The following DHX9 variants were observed in gnomAD, a reference collection of about 807,000 sequenced individuals.
DHX9 encodes the protein ATP-dependent RNA helicase A.
A neutral mutation model predicts 148.7 loss-of-function variants in DHX9; 27 were observed. That is an observed-to-expected ratio of 0.18 (90% confidence interval 0.13 to 0.25). The LOEUF is 0.25. DHX9 is among the 10% of genes least tolerant of loss of function. DHX9 has a pLI of 1.00. For synonymous variants in DHX9, 529 were observed against 516.6 expected (o/e 1.02, Z -0.33); for missense variants, 796 against 1,559.6 (o/e 0.51, Z 8.25).
rs117471599 is a variant in DHX9 at position 182,871,484 on chromosome 1, G to A, written c.1558-853G>A. On this transcript the variant is annotated intron_variant, in intron 14 of 27. Coordinates refer to ENST00000367549, the MANE Select transcript of DHX9 (RefSeq NM_001357.5). Reference sequence around the variant, plus strand: ...GTTAAGCATTACCTTCCGAAGTTCAGCAGTTACATACCCTATAGCTTGGCA... The same window carrying A: ...GTTAAGCATTACCTTCCGAAGTTCAACAGTTACATACCCTATAGCTTGGCA... Among the ~76,000 whole-genome samples, 128 of 152,300 alleles carry A rather than the reference G, an allele frequency of 8.4e-4. 4 individuals are homozygous for A. The East Asian group carries it at 0.023, about 28-fold the overall frequency.
At chr1:182,879,625 AAAAAG>A (rs1217927172) in intron 21 of DHX9, among the ~76,000 whole-genome samples, 1 of 152,232 alleles carries the variant, frequency 6.6e-6, no homozygotes, top group Non-Finnish European at 1.5e-5. Flanking sequence ...TGAGTCTTTA[AAAAAG>A]AAAAGAAAAC....
chr1:182,858,783 G>C lies in DHX9; in HGVS notation c.951G>C (p.Gln317His), dbSNP rs1571305958. 1 of 1,614,166 alleles carries C rather than the reference G, an allele frequency of 6.2e-7. No individual in the cohort carries two copies. The highest frequency in any genetic ancestry group is 8.5e-7 in the Non-Finnish European group (1 of 1,180,028). Residue 317 changes from glutamine (Q) to histidine (H), a missense_variant, in exon 10 of 28, where the codon CAG becomes CAC. Around this residue, in one of 14 missense-constraint regions of DHX9, gnomAD observed 63 missense variants for 78.6 expected, o/e 0.80. Coordinates refer to ENST00000367549, the MANE Select transcript of DHX9 (RefSeq NM_001357.5). ...CACTCAACATTGGCAAATTGGCTCA[G>C]TTCGAACCATCTCAGCGACAAAACC... is the stretch of plus-strand genomic sequence containing the variant. ...PVALNIGKLA[Q>H]FEPSQRQNQV... is the part of the protein sequence containing the mutation.
chr1:182,876,322 C>T, intron 17 of DHX9, 59 bp downstream of exon 17: 6 of 1,586,618 alleles, frequency 3.8e-6, no homozygotes, highest in Non-Finnish European at 5.2e-6. Flanking sequence ...TTGCTAGTGC[C>T]TTAGCCAGTA....
intron 26 of DHX9, among the ~76,000 whole-genome samples, chr1:182,884,394 ATAGC>A (rs970141325): frequency 1.3e-5 from 2 of 152,132 alleles, no homozygotes; most frequent in African/African-American, 2.4e-5. Flanking sequence ...ACTCCTGCTC[ATAGC>A]TAGCAGTGAA....
intron 14 of DHX9, among the ~76,000 whole-genome samples, chr1:182,867,814 C>G (rs1464476046): frequency 6.6e-6 from 1 of 152,156 alleles, no homozygotes; most frequent in African/African-American, 2.4e-5. Flanking sequence ...TTTCCAACCC[C>G]TCCCTCTTTT....
intron 20 of DHX9, 92 bp downstream of exon 20, chr1:182,878,265 C>G: frequency 2.1e-6 from 3 of 1,410,396 alleles, no homozygotes; most frequent in African/African-American, 1.4e-5. Flanking sequence ...CCAATATAAG[C>G]TGATCTAAGT....
At position 182,887,508 on chromosome 1, in the gene DHX9, A is replaced by G. The variant is rs932800837; in HGVS notation, c.*74A>G. On this transcript the variant is annotated 3_prime_UTR_variant, in exon 28 of 28. Coordinates refer to ENST00000367549, the MANE Select transcript of DHX9 (RefSeq NM_001357.5). ...ATGCTATGTGTTACGTGTTTTTTCC[A>G]GTATGTTTATTTGCCACCAAAAAGT... 10 of 1,357,848 alleles carry G rather than the reference A, an allele frequency of 7.4e-6. No homozygotes were observed. Among genetic ancestry groups the G allele is most frequent in the African/African-American group, 1.4e-5 (1 of 69,356 alleles). 84.1% of individuals were successfully genotyped at this position (1,357,848 alleles called of 1,614,324 possible).
At chr1:182,877,988 G>A in intron 19 of DHX9, 33 bp from the exon 20 acceptor site, 1 of 1,612,388 alleles carries the variant, frequency 6.2e-7, no homozygotes, top group Non-Finnish European at 8.5e-7. Context: ...TAATACACAT[G>A]AGTCTTAGAA....
In DHX9 at chr1:182,872,363, T is replaced by C. The variant is rs558616111; in HGVS notation, c.1584T>C (p.Arg528=). 6.2e-7 allele frequency: 1 copy of C among 1,613,240 alleles called. No individual in the cohort carries two copies. The highest frequency in any genetic ancestry group is 1.3e-5 in the African/African-American group (1 of 75,036). Reference sequence around the variant, plus strand: ...CTGACTTCCTTTTGGTAGTACTGCGTGATGTTGTTCAGGCTTATCCTGAAG... The same window carrying C: ...CTGACTTCCTTTTGGTAGTACTGCGCGATGTTGTTCAGGCTTATCCTGAAG... ...INTDFLLVVL[R]DVVQAYPEVR... The change falls in exon 15 of 28, where the codon CGT becomes CGC. Residue 528 remains arginine, a synonymous_variant. Coordinates refer to ENST00000367549, the MANE Select transcript of DHX9 (RefSeq NM_001357.5).
At chr1:182,847,538 T>TGTA (rs1459432330) in intron 3 of DHX9, among the ~76,000 whole-genome samples, 1 of 152,190 alleles carries the variant, frequency 6.6e-6, no homozygotes, top group Non-Finnish European at 1.5e-5. Flanking sequence ...GAATCTGCCC[T>TGTA]GTACATGAGT....
At chr1:182,855,984 T>G (rs1316278516) in intron 6 of DHX9, among the ~76,000 whole-genome samples, 1 of 152,232 alleles carries the variant, frequency 6.6e-6, no homozygotes, top group Non-Finnish European at 1.5e-5. Context: ...GGCTAAGTTT[T>G]TTGTCATCCA....
rs996979135 is a variant in DHX9, at chr1:182,887,268, G to A, written c.3647G>A (p.Gly1216Glu). The A allele has an allele frequency of 1.2e-6, 2 of 1,614,062 alleles. No homozygotes were observed. Among genetic ancestry groups the A allele is most frequent in the Admixed American group, 3.3e-5 (2 of 59,994 alleles). ...GCAGGATATGGTGCAGGTGTTGGTG[G>A]AGGCTATAGAGGAGTTTCCCGAGGT... Reference protein sequence around the residue: ...FRAGYGAGVGGGYRGVSRGGF... With the variant: ...FRAGYGAGVGEGYRGVSRGGF... Residue 1216 changes from glycine (G) to glutamate (E), a missense_variant, in exon 28 of 28, where the codon GGA (glycine) becomes GAA (glutamate). Transcript: ENST00000367549.
chr1:182,854,736 T>A (rs1668224259), intron 6 of DHX9, among the ~76,000 whole-genome samples: 1 of 152,190 alleles, frequency 6.6e-6, no homozygotes, highest in African/African-American at 2.4e-5. Context: ...GGGGGTGTAC[T>A]TTTTTCCTGT....
At chr1:182,870,281 A>G (rs1648502519) in intron 14 of DHX9, among the ~76,000 whole-genome samples, 1 of 152,262 alleles carries the variant, frequency 6.6e-6, no homozygotes, top group Non-Finnish European at 1.5e-5. Context: ...TTAAAATCCC[A>G]GTAAGGTTTT....
chr1:182,876,267 T>G lies in DHX9; in HGVS notation c.2029+4T>G, dbSNP rs1648756876. The G allele has an allele frequency of 6.2e-7, 1 of 1,612,986 alleles. No homozygotes were observed. Among genetic ancestry groups the G allele is most frequent in the African/African-American group, 1.3e-5 (1 of 74,852 alleles). ...TTGGAAATGAATCCACATTTTGGTATGAGTCTTTGAATTCTCACATATTTG... is the reference window on the plus strand; with the variant it reads ...TTGGAAATGAATCCACATTTTGGTAGGAGTCTTTGAATTCTCACATATTTG... On this transcript the variant is annotated splice_donor_region_variant and intron_variant, in intron 17 of 27. Coordinates refer to ENST00000367549, the MANE Select transcript of DHX9 (RefSeq NM_001357.5).
Position 182,887,677 on chromosome 1 carries a change from G to T in DHX9, c.*243G>T, listed in dbSNP as rs950563968. 4.9e-4 allele frequency: 208 copies of T among 426,028 alleles called. 1 individual carries two copies. The highest frequency in any genetic ancestry group is 8.8e-5 in the Non-Finnish European group (21 of 237,954). 26.4% of individuals were successfully genotyped at this position (426,028 alleles called of 1,614,324 possible). A position where few individuals can be genotyped will look rare whatever the true frequency, so the allele number is the denominator to read the frequency against. ...TTGTATTTTTTCTTTAAGGAGTAAA[G>T]ATTTGCCTTTAAATAACTTGGTATT... On this transcript the variant is annotated 3_prime_UTR_variant, in exon 28 of 28. Transcript: ENST00000367549.
At chr1:182,886,669 T>C (rs1285092843) in intron 27 of DHX9, among the ~76,000 whole-genome samples, 7 of 152,234 alleles carry the variant, frequency 4.6e-5, no homozygotes, top group African/African-American at 1.7e-4. Flanking sequence ...ATGAAACAGA[T>C]TTAGGCATTA....
At chr1:182,850,685 CTG>C (rs1668126126) in intron 3 of DHX9, among the ~76,000 whole-genome samples, 1 of 151,594 alleles carries the variant, frequency 6.6e-6, no homozygotes, top group African/African-American at 2.4e-5. Context: ...TTGCTAAAAT[CTG>C]TGTATTTTTG....
chr1:182,840,218 G>A (rs1220151572), intron 1 of DHX9, among the ~76,000 whole-genome samples: 1 of 152,010 alleles, frequency 6.6e-6, no homozygotes, highest in Non-Finnish European at 1.5e-5. Flanking sequence ...AATGGATAGG[G>A]GACGTATTTT....
Sources: gnomAD v4.1 joint callset for allele counts (sites outside exome capture counted in the v4.1 genomes callset) on GRCh38, gnomAD v4.1.1 for gene constraint, gnomAD v4.1.1 regional missense constraint, MANE v1.5 for transcripts, NCBI Gene and HGNC (gene_info 2026-07-23, HGNC 2026-07-21) for gene names.